ATP8B3: variants seen among roughly 807,000 people sequenced by gnomAD.
The protein encoded by ATP8B3 is ATPase phospholipid transporting 8B3.
Under a neutral mutation model 140.9 loss-of-function variants are expected in ATP8B3, and 141 were observed. The ratio of observed to expected loss-of-function variants is 1.00; its 90% confidence interval spans 0.87 to 1.15. The LOEUF (loss-of-function observed/expected upper bound fraction) is 1.15. Ranked by LOEUF, ATP8B3 falls within the 50% of genes most tolerant of loss-of-function variation. ATP8B3 has a pLI of 0.00. For missense variants in ATP8B3, 1,874 were observed against 1,740.6 expected (o/e 1.08, Z -1.36); for synonymous variants, 765 against 714.6 (o/e 1.07, Z -1.13).
rs1221094264 is a variant in ATP8B3, at chr19:1,796,727, GC to G, written c.1736del (p.Ser579ThrfsTer56). 1 of 1,610,872 alleles carries G rather than the reference GC, an allele frequency of 6.2e-7. No homozygotes were observed. The highest frequency in any genetic ancestry group is 8.5e-7 in the Non-Finnish European group (1 of 1,179,330). On this transcript the variant is annotated frameshift_variant, in exon 16 of 29. Coordinates refer to ENST00000310127, the MANE Select transcript of ATP8B3 (RefSeq NM_138813.4). LOFTEE classifies it high-confidence loss of function. The stretch of plus-strand genomic sequence containing the variant: ...TGGGCGCACCTGGGCGCTCACGGGG[GC>G]TCTCCCGCACCATCACCGTGTGGCA... ...AICHTVMVRE[S>X]PRERPDQLLY...
intron 14 of ATP8B3, 148 bp downstream of exon 14, chr19:1,799,799 A>G: frequency 1.2e-6 from 1 of 844,816 alleles, no homozygotes; most frequent in Non-Finnish European, 1.8e-6. Context: ...CCCCCTCCAA[A>G]GGAAACCAGG....
At position 1,806,389 on chromosome 19, in the gene ATP8B3, C is replaced by CT; in HGVS notation, c.678-221dup. On this transcript the variant is annotated intron_variant, in intron 7 of 28. Coordinates refer to ENST00000310127, the MANE Select transcript of ATP8B3 (RefSeq NM_138813.4). This position sits in a 1 kb window ranked among gnomAD's most constrained non-coding sequence, Gnocchi z 5.6. ...GTCCTGCACCCACGTCCTCTTCAGA[C>CT]TTTCCTTGTCCTCCCCATCGCCCGA... 2 of 1,443,914 alleles carry CT rather than the reference C, an allele frequency of 1.4e-6. No homozygotes were observed. Among genetic ancestry groups the CT allele is most frequent in the Non-Finnish European group, 9.0e-7 (1 of 1,105,278 alleles). The allele number at this position is 1,443,914 out of a possible 1,614,324, so 89.4% of individuals were successfully genotyped here. A position where few individuals can be genotyped will look rare whatever the true frequency, so the allele number is the denominator to read the frequency against.
At chr19:1,788,819 G>A (rs2068386158) in intron 24 of ATP8B3, 78 bp downstream of exon 24, 5 of 1,368,058 alleles carry the variant, frequency 3.7e-6, no homozygotes, top group Non-Finnish European at 5.0e-6. Flanking sequence ...TGCGTCCAGG[G>A]CTGCTCCTGG....
rs777486565 is a variant in ATP8B3 at position 1,785,166 on chromosome 19, C to T, written c.3525G>A (p.Pro1175=). The T allele has an allele frequency of 1.0e-5, 16 of 1,574,230 alleles. No homozygotes were observed. Among genetic ancestry groups the T allele is most frequent in the East Asian group, 9.2e-5 (4 of 43,532 alleles). Residue 1175 remains proline, a synonymous_variant, in exon 27 of 29, where the codon CCG becomes CCA. Coordinates refer to ENST00000310127, the MANE Select transcript of ATP8B3 (RefSeq NM_138813.4). The stretch of plus-strand genomic sequence containing the variant: ...TTCCCCATGGGGGCTCACACAGAAA[C>T]GGGAAGGTCGTGGGGGATACTCTGA... ...WLFRVSPTTF[P]FLYADLSVMS... is the part of the protein sequence containing the mutation.
In ATP8B3 at chr19:1,808,290, G is replaced by T; in HGVS notation, c.448C>A (p.Pro150Thr). Residue 150 changes from proline (P) to threonine (T), a missense_variant, in exon 5 of 29, where the codon CCG becomes ACG. By Grantham distance (38) the Pro-to-Thr change is conservative. Around this residue, in one of 3 missense-constraint regions of ATP8B3, gnomAD observed 1,032 missense variants for 963.6 expected, o/e 1.07. Coordinates refer to ENST00000310127, the MANE Select transcript of ATP8B3 (RefSeq NM_138813.4). Reference protein sequence around the residue: ...TAKYNFYSFLPLNLYEQFHRV... With the variant: ...TAKYNFYSFLTLNLYEQFHRV... The stretch of plus-strand genomic sequence containing the variant: ...TGGAACTGCTCGTACAGGTTCAGCG[G>T]CAGGAACGAGTAGAAGTTGTACTTG... 6.2e-7 allele frequency: 1 copy of T among 1,613,008 alleles called. No individual in the cohort carries two copies. The highest frequency in any genetic ancestry group is 8.5e-7 in the Non-Finnish European group (1 of 1,179,560).
At position 1,811,726 on chromosome 19, in the gene ATP8B3, C is replaced by A; in HGVS notation, c.11G>T (p.Gly4Val). 6.3e-7 allele frequency: 1 copy of A among 1,593,504 alleles called. No individual in the cohort carries two copies. Among genetic ancestry groups the A allele is most frequent in the Non-Finnish European group, 8.5e-7 (1 of 1,174,420 alleles). ...GGTGCTCCTGGGAGTCTGAGCGGGG[C>A]CAGTGCCCATTCACCGCATGAGGAA... MGT[G>V]PAQTPRSTRA... is the part of the protein sequence containing the mutation. Residue 4 changes from glycine (G) to valine (V), a missense_variant, in exon 2 of 29, where the codon GGC (glycine) becomes GTC (valine). Gly to Val is a moderately radical substitution (Grantham distance 109, BLOSUM62 -3). Coordinates refer to ENST00000310127, the MANE Select transcript of ATP8B3 (RefSeq NM_138813.4).
At position 1,791,806 on chromosome 19, in the gene ATP8B3, A is replaced by G. The variant is rs1014058836; in HGVS notation, c.2246T>C (p.Ile749Thr). The G allele has an allele frequency of 1.2e-6, 2 of 1,611,652 alleles. No individual in the cohort carries two copies. The highest frequency in any genetic ancestry group is 1.7e-6 in the Non-Finnish European group (2 of 1,179,814). The stretch of plus-strand genomic sequence containing the variant: ...GATGTTGCTCTTCTTGAGACATTTG[A>G]TGGTTTCAGGGACACCGTCCTGGAG... ...DRLQDGVPET[I>T]KCLKKSNIKI... The change falls in exon 20 of 29, where the codon ATC becomes ACC. Residue 749 changes from isoleucine to threonine, a missense_variant. Around this residue, in one of 3 missense-constraint regions of ATP8B3, gnomAD observed 840 missense variants for 760.9 expected, o/e 1.10. Coordinates refer to ENST00000310127, the MANE Select transcript of ATP8B3 (RefSeq NM_138813.4).
Position 1,805,763 on chromosome 19 carries a change from T to A in ATP8B3, c.821+125A>T. On this transcript the variant is annotated intron_variant, in intron 9 of 28. Coordinates refer to ENST00000310127, the MANE Select transcript of ATP8B3 (RefSeq NM_138813.4). This position sits in a 1 kb window ranked among gnomAD's most constrained non-coding sequence, Gnocchi z 5.2. ...GCAGCACCCACGCCCCAGACACTCATGGGGTGAGTGACCAAAGTCTCTGAG... is the reference window on the plus strand; with the variant it reads ...GCAGCACCCACGCCCCAGACACTCAAGGGGTGAGTGACCAAAGTCTCTGAG... The A allele has an allele frequency of 8.6e-7, 1 of 1,156,972 alleles. No individual in the cohort carries two copies. The highest frequency in any genetic ancestry group is 1.2e-6 in the Non-Finnish European group (1 of 800,010). The allele number at this position is 1,156,972 out of a possible 1,614,324, so 71.7% of individuals were successfully genotyped here. A position where few individuals can be genotyped will look rare whatever the true frequency, so the allele number is the denominator to read the frequency against.
chr19:1,785,631 C>G lies in ATP8B3; in HGVS notation c.3231G>C (p.Trp1077Cys), dbSNP rs747485477. Residue 1077 changes from tryptophan (W) to cysteine (C), a missense_variant, in exon 26 of 29, where the codon TGG becomes TGC. This residue lies in a region of ATP8B3 where 840 missense variants were observed against 760.9 expected (regional missense o/e 1.10). Transcript: ENST00000310127. ...CATGGGCGATGGCTTGGACGAAGAC[C>G]CAGTAGTTGAAGAGCTCGTCCTTCT... is the stretch of plus-strand genomic sequence containing the variant. ...VGQKDELFNY[W>C]VFVQAIAHGV... 1.2e-6 allele frequency: 2 copies of G among 1,613,258 alleles called. No individual in the cohort carries two copies. Among genetic ancestry groups the G allele is most frequent in the Admixed American group, 1.7e-5 (1 of 59,998 alleles).
rs777182989 is a variant in ATP8B3, at chr19:1,811,569, G to A, written c.168C>T (p.Asp56=). The A allele has an allele frequency of 6.2e-7, 1 of 1,612,354 alleles. No individual in the cohort carries two copies. The highest frequency in any genetic ancestry group is 8.5e-7 in the Non-Finnish European group (1 of 1,179,816). ...GETVIRAGMG[D]SPGRGAPERR... is the part of the protein sequence containing the mutation. ...TCTCAGGTGCCCCTCTGCCTGGGGA[G>A]TCTCCCATCCCAGCTCTGATCACCG... Residue 56 remains aspartate (D), a synonymous_variant, in exon 2 of 29, where the codon GAC becomes GAT. Transcript: ENST00000310127.
At position 1,792,103 on chromosome 19, in the gene ATP8B3, G is replaced by C; in HGVS notation, c.2088C>G (p.Cys696Trp). The change falls in exon 19 of 29, where the codon TGC (cysteine) becomes TGG (tryptophan). Residue 696 changes from cysteine to tryptophan, a missense_variant. Physicochemically the swap from Cys to Trp is radical, Grantham distance 215 (BLOSUM62 -2). Transcript: ENST00000310127. ...CCTCAGCCACCTCCCTGTAGGCCAG[G>C]CACAGTGTCCGCAGGGTCTCCTGGG... ...AFAQETLRTL[C>W]LAYREVAEDI... The C allele has an allele frequency of 6.3e-7, 1 of 1,576,422 alleles. No homozygotes were observed. Among genetic ancestry groups the C allele is most frequent in the Non-Finnish European group, 8.6e-7 (1 of 1,166,028 alleles).
chr19:1,810,700 C>T lies in ATP8B3; in HGVS notation c.249-17G>A. 1 of 1,609,290 alleles carries T rather than the reference C, an allele frequency of 6.2e-7. No homozygotes were observed. The highest frequency in any genetic ancestry group is 8.5e-7 in the Non-Finnish European group (1 of 1,178,312). On this transcript the variant is annotated splice_polypyrimidine_tract_variant and intron_variant, in intron 2 of 28. Coordinates refer to ENST00000310127, the MANE Select transcript of ATP8B3 (RefSeq NM_138813.4). ...CTGGTGGGGCTGTGGGAGAGAAGGG[C>T]CCCGGGTCACAGCAGTGACCCCAGC...
chr19:1,795,181 G>A (rs2068627780), intron 18 of ATP8B3, among the ~76,000 whole-genome samples: 1 of 152,152 alleles, frequency 6.6e-6, no homozygotes, highest in African/African-American at 2.4e-5. Context: ...CTTAAGCCTG[G>A]GAGGCAGAGG....
intron 21 of ATP8B3, 59 bp from the exon 22 acceptor site, chr19:1,790,048 G>A (rs1294604119): frequency 3.0e-6 from 4 of 1,349,530 alleles, no homozygotes; most frequent in South Asian, 2.4e-5. Flanking sequence ...CCACTTCCCC[G>A]GGGGCTCCAC....
intron 14 of ATP8B3, among the ~76,000 whole-genome samples, 157 bp from the exon 15 acceptor site, chr19:1,797,162 G>T (rs979360453): frequency 1.3e-5 from 2 of 152,214 alleles, no homozygotes; most frequent in East Asian, 3.9e-4. Context: ...CAATCTTGGG[G>T]CGAAAGCTGA....
In ATP8B3 at chr19:1,787,141, T is replaced by C. The variant is rs1192681107; in HGVS notation, c.3115A>G (p.Ser1039Gly). 6.2e-6 allele frequency: 10 copies of C among 1,610,780 alleles called. No individual in the cohort carries two copies. The Admixed American group carries it at 6.7e-5, about 11-fold the overall frequency. ...CCAATGTAGAGAACTGGCAGGGTGC[T>C]GTACAGGAGGTTGAAAAGAGCCAGG... ...WFLALFNLLYSTLPVLYIGLF... is the reference protein window; with the variant it reads ...WFLALFNLLYGTLPVLYIGLF... The change falls in exon 25 of 29, where the codon AGC becomes GGC. Residue 1039 changes from serine to glycine, a missense_variant. Ser to Gly is a moderately conservative substitution (Grantham distance 56, BLOSUM62 0). Around this residue, in one of 3 missense-constraint regions of ATP8B3, gnomAD observed 840 missense variants for 760.9 expected, o/e 1.10. Coordinates refer to ENST00000310127, the MANE Select transcript of ATP8B3 (RefSeq NM_138813.4).
At chr19:1,796,904 G>A (rs374850258) in intron 15 of ATP8B3, 25 bp from the exon 16 acceptor site, 72 of 1,610,534 alleles carry the variant, frequency 4.5e-5, no homozygotes, top group East Asian at 6.7e-5. Flanking sequence ...GGCACGGGCC[G>A]GCTGTGGGTG....
In ATP8B3 at chr19:1,807,575, C is replaced by T. The variant is rs1190970259; in HGVS notation, c.517-309G>A. The stretch of plus-strand genomic sequence containing the variant: ...CCCCAAGCTTGGCCGCCACTGCTCC[C>T]CCTCCCTCCCATGTCCCTGCTTCCC... On this transcript the variant is annotated intron_variant, in intron 5 of 28. Transcript: ENST00000310127. This position sits in a 1 kb window ranked among gnomAD's most constrained non-coding sequence, Gnocchi z 5.9. Among the ~76,000 whole-genome samples, 3 of 152,208 alleles carry T rather than the reference C, an allele frequency of 2.0e-5. No individual in the cohort carries two copies. Among genetic ancestry groups the T allele is most frequent in the Non-Finnish European group, 4.4e-5 (3 of 68,036 alleles).
intron 24 of ATP8B3, among the ~76,000 whole-genome samples, chr19:1,788,027 G>A (rs533520582): frequency 2.0e-5 from 3 of 152,262 alleles, no homozygotes; most frequent in East Asian, 3.9e-4. Context: ...GGGCAACAGA[G>A]TGAGACTCTG....
Sources: allele counts gnomAD v4.1 joint callset (sites outside exome capture counted in the v4.1 genomes callset), GRCh38; gene constraint gnomAD v4.1.1; regional missense constraint gnomAD v4.1.1; non-coding constraint Gnocchi (gnomAD v3.1); transcripts MANE v1.5; gene names NCBI Gene and HGNC (gene_info 2026-07-23, HGNC 2026-07-21).